LRP1B: variants seen among roughly 807,000 people sequenced by gnomAD.
LRP1B encodes the protein LDL receptor related protein 1B, also known as low-density lipoprotein receptor-related protein 1B.
In LRP1B, 217 loss-of-function variants were observed where a neutral mutation model predicts 556.6. The ratio of observed to expected loss-of-function variants is 0.39; its 90% CI spans 0.35 to 0.44. LRP1B has a LOEUF of 0.44. Ranked by LOEUF, LRP1B falls within the 20% of genes least tolerant of loss-of-function variation. The pLI is 1.00. For missense variants in LRP1B, 5,053 were observed against 5,620.8 expected, an observed-to-expected ratio of 0.90 and a Z score of 3.23; for synonymous variants, 2,047 against 1,865.8, an observed-to-expected ratio of 1.10 and a Z score of -2.50.
chr2:141,616,310 AG>A (rs1688299461), intron 2 of LRP1B, among the ~76,000 whole-genome samples: 1 of 151,808 alleles, frequency 6.6e-6, no homozygotes, highest in Non-Finnish European at 1.5e-5. Context: ...AAGAAAAAAA[AG>A]CTATATAAAA....
chr2:141,703,067 A>G (rs773766029), intron 2 of LRP1B, among the ~76,000 whole-genome samples: 2 of 151,954 alleles, frequency 1.3e-5, no homozygotes, highest in Non-Finnish European at 2.9e-5. Flanking sequence ...AACATTTTCA[A>G]CATCTGTGCT....
intron 86 of LRP1B, among the ~76,000 whole-genome samples, chr2:140,265,980 A>G (rs1480825283): frequency 6.6e-6 from 1 of 152,026 alleles, no homozygotes; most frequent in African/African-American, 2.4e-5. Context: ...CATATTCTGG[A>G]AACTTCAAAT....
At chr2:140,554,965 G>C (rs1387136582) in intron 43 of LRP1B, among the ~76,000 whole-genome samples, 1 of 151,252 alleles carries the variant, frequency 6.6e-6, no homozygotes, top group Non-Finnish European at 1.5e-5. Flanking sequence ...TTGTGGAATG[G>C]TATTACCAAC....
At chr2:141,393,140 G>T (rs1690115468) in intron 3 of LRP1B, among the ~76,000 whole-genome samples, 1 of 152,106 alleles carries the variant, frequency 6.6e-6, no homozygotes, top group Non-Finnish European at 1.5e-5. Context: ...AGGTCAGTAA[G>T]ATCCTTAAAA....
intron 2 of LRP1B, among the ~76,000 whole-genome samples, chr2:141,734,931 GTGTT>G (rs964093602): frequency 1.6e-4 from 25 of 152,114 alleles, no homozygotes; most frequent in Non-Finnish European, 2.9e-4. Flanking sequence ...TAGAGACATT[GTGTT>G]TGTTTGTTTT....
At chr2:140,807,912 T>C (rs917661996) in intron 32 of LRP1B, among the ~76,000 whole-genome samples, 9 of 151,776 alleles carry the variant, frequency 5.9e-5, no homozygotes, top group African/African-American at 2.2e-4. Context: ...GCCAACATGG[T>C]GAAACCCCGT....
chr2:140,524,003 GACA>G (rs1286850221), intron 49 of LRP1B, among the ~76,000 whole-genome samples: 4 of 151,424 alleles, frequency 2.6e-5, no homozygotes, highest in Non-Finnish European at 5.9e-5. Context: ...GCTTCTGCAC[GACA>G]ACAACAAAAA....
chr2:141,497,238 T>A (rs1683540444), intron 2 of LRP1B, among the ~76,000 whole-genome samples: 1 of 152,120 alleles, frequency 6.6e-6, no homozygotes, highest in South Asian at 2.1e-4. Context: ...AAAAGTGAGG[T>A]GGAGAGTTTA....
chr2:141,755,346 T>C (rs1694277694), intron 2 of LRP1B, among the ~76,000 whole-genome samples: 1 of 151,926 alleles, frequency 6.6e-6, no homozygotes, highest in Admixed American at 6.6e-5. Context: ...ATACCCCAAT[T>C]GAAAATCATC....
chr2:141,586,803 A>G (rs1687151177), intron 2 of LRP1B, among the ~76,000 whole-genome samples: 1 of 151,862 alleles, frequency 6.6e-6, no homozygotes, highest in Non-Finnish European at 1.5e-5. Flanking sequence ...TTAGCCGGGC[A>G]TGGTGGCGGG....
chr2:140,549,567 A>G (rs768901985), intron 43 of LRP1B, among the ~76,000 whole-genome samples: 2 of 152,228 alleles, frequency 1.3e-5, no homozygotes, highest in Non-Finnish European at 2.9e-5. Context: ...TGGAAAGTTG[A>G]GTAGCAGCAC....
chr2:141,146,789 G>A (rs966149831), intron 7 of LRP1B, among the ~76,000 whole-genome samples: 2 of 152,070 alleles, frequency 1.3e-5, no homozygotes, highest in African/African-American at 4.8e-5. Flanking sequence ...CCGTTTTCCT[G>A]CTATTTTTTA....
chr2:141,847,840 TG>T (rs2105769559), intron 1 of LRP1B, among the ~76,000 whole-genome samples: 1 of 151,714 alleles, frequency 6.6e-6, no homozygotes, highest in African/African-American at 2.4e-5. Flanking sequence ...AATGTTTTTG[TG>T]GCAATAGGGT....
At chr2:140,469,725 A>G (rs148563683) in intron 60 of LRP1B, among the ~76,000 whole-genome samples, 2 of 152,344 alleles carry the variant, frequency 1.3e-5, no homozygotes, top group Non-Finnish European at 2.9e-5. Flanking sequence ...TATTAATATT[A>G]GAGGCTCTAA....
At chr2:140,273,505 A>G (rs544411994) in intron 85 of LRP1B, among the ~76,000 whole-genome samples, 1 of 152,178 alleles carries the variant, frequency 6.6e-6, no homozygotes, top group African/African-American at 2.4e-5. Context: ...AAATGAGAGT[A>G]AATAAAAAAA....
chr2:141,542,354 T>G (rs7593962), intron 2 of LRP1B, among the ~76,000 whole-genome samples: 51,257 of 151,750 alleles, frequency 0.34, 9,404 homozygotes, highest in East Asian at 0.62. Context: ...AACATTCCCA[T>G]CCTATTAAAA....
At chr2:141,399,749 T>C (rs748135517) in intron 3 of LRP1B, among the ~76,000 whole-genome samples, 4 of 152,214 alleles carry the variant, frequency 2.6e-5, no homozygotes, top group Non-Finnish European at 5.9e-5. Flanking sequence ...TTGTGACTTA[T>C]TTAAAGGACA....
At chr2:141,209,063 C>T (rs1167727311) in intron 6 of LRP1B, among the ~76,000 whole-genome samples, 1 of 152,046 alleles carries the variant, frequency 6.6e-6, no homozygotes, top group Non-Finnish European at 1.5e-5. Context: ...CAAGCACCTA[C>T]ACAGAAACAC....
intron 6 of LRP1B, among the ~76,000 whole-genome samples, chr2:141,201,448 C>G (rs2105226285): frequency 6.6e-6 from 1 of 152,188 alleles, no homozygotes; most frequent in South Asian, 2.1e-4. Context: ...TTGTTCCTAT[C>G]CTCTAGGAAA....
Sources: allele counts gnomAD v4.1 joint callset (sites outside exome capture counted in the v4.1 genomes callset), GRCh38; gene constraint gnomAD v4.1.1; transcripts MANE v1.5; gene names NCBI Gene and HGNC (gene_info 2026-07-23, HGNC 2026-07-21).